The following TP73 variants were observed in gnomAD, a reference collection of about 807,000 sequenced individuals.
The protein encoded by TP73 is p53-like transcription factor.
A neutral mutation model predicts 62.5 loss-of-function variants in TP73; 25 were observed. That is an observed-to-expected ratio of 0.40 (90% CI 0.29 to 0.56). The LOEUF is 0.56. Among genes scored for constraint, TP73 ranks in the 20% least tolerant of loss-of-function variants. The probability of loss-of-function intolerance (pLI) is 0.46; values close to 1 mark genes in which losing one functional copy is unlikely to be tolerated. For synonymous variants in TP73, 423 were observed against 377.5 expected (o/e 1.12, Z -1.40); for missense variants, 754 against 913.3 (o/e 0.83, Z 2.25).
rs555078472 is a variant in TP73, at chr1:3,711,252, G to T, written c.429+3461G>T. Among the ~76,000 whole-genome samples the T allele has an allele frequency of 1.4e-3, 212 of 152,364 alleles. 1 individual carries two copies. The highest frequency in any genetic ancestry group is 4.9e-3 in the African/African-American group (205 of 41,582). ...CGTGAGCTCTGAGTGCAGTGCTGAT[G>T]GTGACACCAGTGCCCTTCTCCCAGT... On this transcript the variant is annotated intron_variant, in intron 4 of 13. Transcript: ENST00000378295.
intron 1 of TP73, among the ~76,000 whole-genome samples, chr1:3,680,621 G>A (rs1053672354): frequency 2.0e-5 from 3 of 152,148 alleles, no homozygotes; most frequent in African/African-American, 7.2e-5. Context: ...GCACCAAGAG[G>A]CTACCCTACT....
intron 3 of TP73, among the ~76,000 whole-genome samples, chr1:3,689,248 A>T (rs1332216311): frequency 1.3e-5 from 2 of 151,428 alleles, no homozygotes; most frequent in African/African-American, 4.9e-5. Context: ...GCCCCAGCCG[A>T]CCCCCTGCAG....
chr1:3,657,742 G>T (rs1376604416), intron 1 of TP73, among the ~76,000 whole-genome samples: 1 of 152,304 alleles, frequency 6.6e-6, no homozygotes, highest in South Asian at 2.1e-4. Flanking sequence ...GAAGGTCGGG[G>T]TTGGGCACAG....
At chr1:3,705,097 C>T (rs1011801102) in intron 3 of TP73, among the ~76,000 whole-genome samples, 1 of 152,190 alleles carries the variant, frequency 6.6e-6, no homozygotes, top group South Asian at 2.1e-4. Flanking sequence ...AGGGCAGTGG[C>T]GTGATCTTGG....
Position 3,723,443 on chromosome 1 carries a change from G to A in TP73, c.706G>A (p.Val236Ile), listed in dbSNP as rs770656238. The stretch of plus-strand genomic sequence containing the variant: ...TGACCCTGTCACCGGCAGGCAGAGC[G>A]TCGTGGTGCCCTATGAGCCACCACA... ...VDDPVTGRQSVVVPYEPPQVG... is the reference protein window; with the variant it reads ...VDDPVTGRQSIVVPYEPPQVG... Residue 236 changes from valine (V) to isoleucine (I), a missense_variant, in exon 6 of 14, where the codon GTC becomes ATC. This residue lies in a region of TP73 where 61 missense variants were observed against 133.2 expected (regional missense o/e 0.46). Coordinates refer to ENST00000378295, the MANE Select transcript of TP73 (RefSeq NM_005427.4). 4.4e-5 allele frequency: 71 copies of A among 1,612,206 alleles called. No homozygotes were observed. The highest frequency in any genetic ancestry group is 5.7e-5 in the Non-Finnish European group (67 of 1,179,782).
At chr1:3,729,552 G>A in intron 10 of TP73, 104 bp downstream of exon 10, 1 of 1,583,402 alleles carries the variant, frequency 6.3e-7, no homozygotes, top group Non-Finnish European at 8.6e-7. Context: ...GGCATCATCT[G>A]CCAGGGACAG....
intron 7 of TP73, 31 bp from the exon 8 acceptor site, chr1:3,727,597 G>T: frequency 6.3e-7 from 1 of 1,584,008 alleles, no homozygotes; most frequent in Non-Finnish European, 8.5e-7. Context: ...GCAGGGTTGA[G>T]CTCACAATTC....
chr1:3,691,301 C>T (rs902603752), intron 3 of TP73, among the ~76,000 whole-genome samples: 14 of 152,116 alleles, frequency 9.2e-5, no homozygotes, highest in South Asian at 4.1e-4. Flanking sequence ...TCAGAGTTTC[C>T]GAGCTGCCCT....
chr1:3,658,586 G>T (rs1005048443), intron 1 of TP73, among the ~76,000 whole-genome samples: 1 of 152,170 alleles, frequency 6.6e-6, no homozygotes, highest in Non-Finnish European at 1.5e-5. Flanking sequence ...CTTGGCGCGC[G>T]GCTCTCTTCC....
intron 3 of TP73, among the ~76,000 whole-genome samples, chr1:3,697,667 A>G (rs1173242587): frequency 1.3e-5 from 2 of 152,316 alleles, no homozygotes; most frequent in African/African-American, 2.4e-5. Flanking sequence ...GGGTGCTAGG[A>G]TGTCAAGCCT....
At chr1:3,691,463 C>G (rs563077064) in intron 3 of TP73, among the ~76,000 whole-genome samples, 2 of 152,292 alleles carry the variant, frequency 1.3e-5, no homozygotes, top group South Asian at 2.1e-4. Flanking sequence ...GGGCTCTTCT[C>G]GGTGTGGGTC....
Position 3,672,919 on chromosome 1 carries a change from C to T in TP73, c.-33-9414C>T, listed in dbSNP as rs991625589. On this transcript the variant is annotated intron_variant, in intron 1 of 13. Transcript: ENST00000378295. The surrounding 1 kb of genome is among the most constrained non-coding windows in gnomAD (Gnocchi z 5.3). ...CTCCAAACCCTCCTGACCCGCTTACCCCCAGGAGCACCGCCCACTCCAAGG... is the reference window on the plus strand; with the variant it reads ...CTCCAAACCCTCCTGACCCGCTTACTCCCAGGAGCACCGCCCACTCCAAGG... Among the ~76,000 whole-genome samples the T allele has an allele frequency of 6.6e-6, 1 of 152,192 alleles. No homozygotes were observed. The highest frequency in any genetic ancestry group is 2.4e-5 in the African/African-American group (1 of 41,444).
intron 9 of TP73, 99 bp from the exon 10 acceptor site, chr1:3,729,228 C>T (rs572786628): frequency 2.0e-4 from 303 of 1,533,778 alleles, no homozygotes; most frequent in Non-Finnish European, 2.5e-4. Flanking sequence ...CCAGAAAGGA[C>T]AGATGCTTTG....
In TP73 at chr1:3,701,183, G is replaced by C. The variant is rs1639136242; in HGVS notation, c.187-6366G>C. Among the ~76,000 whole-genome samples the C allele has an allele frequency of 6.6e-6, 1 of 152,172 alleles. No homozygotes were observed. The highest frequency in any genetic ancestry group is 2.4e-5 in the African/African-American group (1 of 41,448). On this transcript the variant is annotated intron_variant, in intron 3 of 13. Coordinates refer to ENST00000378295, the MANE Select transcript of TP73 (RefSeq NM_005427.4). The surrounding 1 kb of genome is among the most constrained non-coding windows in gnomAD (Gnocchi z 4.7). ...TATCTGGACACCTCGGGGAACAGGA[G>C]AGACCCCGACCCCTGTGAGCACCTG... is the stretch of plus-strand genomic sequence containing the variant.
rs1226908537 is a variant in TP73 at position 3,696,386 on chromosome 1, G to A, written c.187-11163G>A. 6.6e-6 allele frequency among the ~76,000 whole-genome samples: 1 copy of A among 152,092 alleles called. No homozygotes were observed. Among genetic ancestry groups the A allele is most frequent in the Non-Finnish European group, 1.5e-5 (1 of 68,020 alleles). ...CCACACTGGCAGGAGCGGCCATGTGGACACTCAGTTGCTGGTGTGGGCAGG... is the reference window on the plus strand; with the variant it reads ...CCACACTGGCAGGAGCGGCCATGTGAACACTCAGTTGCTGGTGTGGGCAGG... On this transcript the variant is annotated intron_variant, in intron 3 of 13. Transcript: ENST00000378295. This position sits in a 1 kb window ranked among gnomAD's most constrained non-coding sequence, Gnocchi z 4.1.
rs1238912769 is a variant in TP73 at position 3,723,345 on chromosome 1, TCC to T, written c.617-7_617-6del. 2 of 1,611,426 alleles carry T rather than the reference TCC, an allele frequency of 1.2e-6. No homozygotes were observed. Among genetic ancestry groups the T allele is most frequent in the East Asian group, 2.2e-5 (1 of 44,880 alleles). ...TGCACCTCTCTGAAGTGTCGACCCC[TCC>T]CGGCAGGACAGTCTGCTCCAGCCAG... On this transcript the variant is annotated splice_region_variant and splice_polypyrimidine_tract_variant and intron_variant, in intron 5 of 13. Transcript: ENST00000378295.
chr1:3,683,311 G>A (rs906782749), intron 3 of TP73, 131 bp downstream of exon 3: 12 of 1,211,732 alleles, frequency 9.9e-6, no homozygotes, highest in Non-Finnish European at 1.3e-5. Context: ...GGGTTTCTGA[G>A]GACACTTCAA....
intron 3 of TP73, among the ~76,000 whole-genome samples, chr1:3,703,740 G>T (rs998284723): frequency 6.6e-6 from 1 of 152,252 alleles, no homozygotes; most frequent in South Asian, 2.1e-4. Context: ...ATGGAGCAGG[G>T]ATGGGAGTCG....
intron 13 of TP73, 129 bp from the exon 14 acceptor site, chr1:3,732,618 T>C (rs936280800): frequency 2.5e-6 from 2 of 804,452 alleles, no homozygotes; most frequent in Admixed American, 5.9e-5. Context: ...CCCTCCCCCG[T>C]CTCCTGCCTA....
Sources: allele counts gnomAD v4.1 joint callset (sites outside exome capture counted in the v4.1 genomes callset), GRCh38; gene constraint gnomAD v4.1.1; regional missense constraint gnomAD v4.1.1; non-coding constraint Gnocchi (gnomAD v3.1); transcripts MANE v1.5; gene names NCBI Gene and HGNC (gene_info 2026-07-23, HGNC 2026-07-21).